Variants in NFYC observed in about 807,000 individuals in gnomAD.
NFYC encodes the protein nuclear transcription factor Y subunit gamma.
In NFYC, 25 loss-of-function variants were observed where a neutral mutation model predicts 53.1. The observed-to-expected ratio is 0.47, with a 90% CI of 0.34 to 0.66. NFYC has a LOEUF of 0.66. Among genes scored for constraint, NFYC ranks in the 30% least tolerant of loss-of-function variants. The pLI is 0.01. For missense variants in NFYC, 260 were observed against 422.7 expected (o/e 0.62, Z 3.38); for synonymous variants, 145 against 152.6 (o/e 0.95, Z 0.37).
chr1:40,750,550 A>G (rs539404501), intron 4 of NFYC, among the ~76,000 whole-genome samples: 1 of 152,142 alleles, frequency 6.6e-6, no homozygotes, highest in South Asian at 2.1e-4. Flanking sequence ...AATGCGTCAT[A>G]AAGTTAGGAT....
chr1:40,726,666 C>T (rs1237898798), intron 1 of NFYC, among the ~76,000 whole-genome samples: 1 of 152,150 alleles, frequency 6.6e-6, no homozygotes, highest in Non-Finnish European at 1.5e-5. Context: ...ATCCTCTTGC[C>T]CTAGCCTCCC....
At chr1:40,716,075 T>C (rs182734627) in intron 1 of NFYC, among the ~76,000 whole-genome samples, 357 of 152,336 alleles carry the variant, frequency 2.3e-3, no homozygotes, top group Non-Finnish European at 3.3e-3. Context: ...ATATAGTTCT[T>C]ACTTTCAAGG....
intron 7 of NFYC, chr1:40,763,339 G>A (rs1215085454): frequency 6.5e-6 from 3 of 462,520 alleles, no homozygotes; most frequent in Non-Finnish European, 1.3e-5. Flanking sequence ...TCACACGCAT[G>A]CATAATCCTT....
chr1:40,739,895 A>C (rs568454674), intron 2 of NFYC, among the ~76,000 whole-genome samples: 4 of 152,298 alleles, frequency 2.6e-5, no homozygotes, highest in African/African-American at 7.2e-5. Flanking sequence ...GGCATGCATA[A>C]AGGCATGGAG....
chr1:40,726,496 G>T (rs1644526938), intron 1 of NFYC, among the ~76,000 whole-genome samples: 2 of 151,450 alleles, frequency 1.3e-5, no homozygotes, highest in South Asian at 4.2e-4. Context: ...TGCAACCTCT[G>T]CCTTCCAGGT....
At chr1:40,769,752 G>A (rs1188102577) in intron 9 of NFYC, among the ~76,000 whole-genome samples, 1 of 152,100 alleles carries the variant, frequency 6.6e-6, no homozygotes, top group Non-Finnish European at 1.5e-5. Context: ...TCCCTCTCTA[G>A]AACTGTATTT....
At chr1:40,699,527 T>C (rs114830571) in intron 1 of NFYC, among the ~76,000 whole-genome samples, 29 of 152,346 alleles carry the variant, frequency 1.9e-4, no homozygotes, top group Non-Finnish European at 3.4e-4. Context: ...TAGCATAGAA[T>C]TTGCTCATTA....
chr1:40,764,354 G>C (rs1557929227), intron 7 of NFYC, among the ~76,000 whole-genome samples: 1 of 152,214 alleles, frequency 6.6e-6, no homozygotes, highest in Non-Finnish European at 1.5e-5. Context: ...AATAGGCCAA[G>C]AGAAAGCTTA....
At chr1:40,733,007 C>CGGGG in intron 1 of NFYC, among the ~76,000 whole-genome samples, 1 of 97,376 alleles carries the variant, frequency 1.0e-5, no homozygotes, top group African/African-American at 4.3e-5. Context: ...TTCCAAGATT[C>CGGGG]GCCCCCCCCC....
intron 1 of NFYC, among the ~76,000 whole-genome samples, chr1:40,697,109 C>T (rs1195621022): frequency 6.6e-6 from 1 of 152,230 alleles, no homozygotes; most frequent in African/African-American, 2.4e-5. Flanking sequence ...CTTGTTTCTT[C>T]TTCTGTAAAA....
chr1:40,770,738 G>A lies in NFYC; in HGVS notation c.918G>A (p.Met306Ile). Residue 306 changes from methionine (M) to isoleucine (I), a missense_variant, in exon 10 of 10, where the codon ATG becomes ATA. Physicochemically the swap from Met to Ile is conservative, Grantham distance 10. Coordinates refer to ENST00000447388, the MANE Select transcript of NFYC (RefSeq NM_014223.5). The surrounding 1 kb of genome is among the most constrained non-coding windows in gnomAD (Gnocchi z 5.3). ...TCTACCAGATCCAGCAAGTCACCAT[G>A]CCTGCGGGCCAGGACCTCGCCCAGC... ...QQLYQIQQVT[M>I]PAGQDLAQPM... is the part of the protein sequence containing the mutation. The A allele has an allele frequency of 6.2e-7, 1 of 1,614,048 alleles. No individual in the cohort carries two copies. The highest frequency in any genetic ancestry group is 8.5e-7 in the Non-Finnish European group (1 of 1,180,038).
At chr1:40,735,897 A>C in intron 1 of NFYC, 6 of 341,916 alleles carry the variant, frequency 1.8e-5, no homozygotes, top group Non-Finnish European at 2.5e-5. Context: ...TAAATAACTA[A>C]ACTTCTCTAG....
At chr1:40,725,578 A>T (rs1200592928) in intron 1 of NFYC, among the ~76,000 whole-genome samples, 1 of 152,194 alleles carries the variant, frequency 6.6e-6, no homozygotes, top group Non-Finnish European at 1.5e-5. Context: ...GTAAACATAA[A>T]AACCAAATAG....
intron 8 of NFYC, among the ~76,000 whole-genome samples, chr1:40,767,543 G>A (rs953615491): frequency 6.6e-5 from 10 of 152,076 alleles, no homozygotes; most frequent in African/African-American, 2.2e-4. Flanking sequence ...CTAAGGACGC[G>A]GCTTTTCCGT....
intron 4 of NFYC, among the ~76,000 whole-genome samples, chr1:40,750,737 G>T (rs1645867789): frequency 6.6e-6 from 1 of 152,066 alleles, no homozygotes; most frequent in African/African-American, 2.4e-5. Flanking sequence ...AAATAAAATA[G>T]GCAAAACACT....
At chr1:40,734,856 C>G (rs55987263) in intron 1 of NFYC, 1 of 152,110 alleles carries the variant, frequency 6.6e-6, no homozygotes. Context: ...ACCTTTTTCT[C>G]TTTTTTCCTG....
intron 7 of NFYC, 66 bp downstream of exon 7, chr1:40,763,112 C>G (rs1480221954): frequency 7.5e-7 from 1 of 1,336,314 alleles, no homozygotes; most frequent in Non-Finnish European, 1.0e-6. Flanking sequence ...ATATATATAC[C>G]TTGATATATA....
chr1:40,724,213 C>G (rs1398682646), intron 1 of NFYC, among the ~76,000 whole-genome samples: 1 of 152,060 alleles, frequency 6.6e-6, no homozygotes, highest in Admixed American at 6.5e-5. Flanking sequence ...TTCAAAAATA[C>G]AAAAATTAGC....
At chr1:40,722,317 T>G (rs1434123878) in intron 1 of NFYC, among the ~76,000 whole-genome samples, 2 of 152,248 alleles carry the variant, frequency 1.3e-5, no homozygotes, top group Non-Finnish European at 2.9e-5. Context: ...GCTTGAATTC[T>G]TTGCTTTTTT....
Sources: gnomAD v4.1 joint callset for allele counts (sites outside exome capture counted in the v4.1 genomes callset) on GRCh38, gnomAD v4.1.1 for gene constraint, Gnocchi (gnomAD v3.1) non-coding constraint, MANE v1.5 for transcripts, NCBI Gene and HGNC (gene_info 2026-07-23, HGNC 2026-07-21) for gene names.